The following VAX1 variants were observed in gnomAD, a reference collection of about 807,000 sequenced individuals.
The protein encoded by VAX1 is ventral anterior homeobox 1.
Under a neutral mutation model 17.6 loss-of-function variants are expected in VAX1, and 6 were observed. The ratio of observed to expected loss-of-function variants is 0.34; its 90% CI spans 0.19 to 0.67. The LOEUF (loss-of-function observed/expected upper bound fraction) is 0.67. Among genes scored for constraint, VAX1 ranks in the 30% least tolerant of loss-of-function variants. The pLI, the probability that VAX1 is intolerant of heterozygous loss-of-function variation, is 0.69. For missense variants in VAX1, 408 were observed against 463.7 expected (o/e 0.88, Z 1.10); for synonymous variants, 256 against 227.4 (o/e 1.13, Z -1.13).
rs774702033 is a variant in VAX1, at chr10:117,136,502, G to A, written c.399C>T (p.Leu133=). The change falls in exon 2 of 3, where the codon CTC becomes CTT. Residue 133 remains leucine (L), a synonymous_variant. Coordinates refer to ENST00000369206, the MANE Select transcript of VAX1 (RefSeq NM_001112704.2). The surrounding 1 kb of genome is among the most constrained non-coding windows in gnomAD (Gnocchi z 5.0). ...QYVVGRERTE[L]ARQLNLSETQ... is the part of the protein sequence containing the mutation. ...TCTCGGAGAGGTTAAGCTGCCGGGC[G>A]AGCTCGGTCCTCTCGCGGCCCACCA... is the stretch of plus-strand genomic sequence containing the variant. 2.5e-6 allele frequency: 4 copies of A among 1,613,696 alleles called. No individual in the cohort carries two copies. The highest frequency in any genetic ancestry group is 1.7e-5 in the Admixed American group (1 of 60,012).
Position 117,136,481 on chromosome 10 carries a change from G to C in VAX1, c.420C>G (p.Ser140=). The C allele has an allele frequency of 1.9e-6, 3 of 1,613,216 alleles. No individual in the cohort carries two copies. The highest frequency in any genetic ancestry group is 1.1e-5 in the South Asian group (1 of 91,060). The change falls in exon 2 of 3, where the codon TCC becomes TCG. Residue 140 remains serine (S), a synonymous_variant. Transcript: ENST00000369206. This position sits in a 1 kb window ranked among gnomAD's most constrained non-coding sequence, Gnocchi z 5.0. The stretch of plus-strand genomic sequence containing the variant: ...CCTGGTCGCCGGGTACCTGGGTCTC[G>C]GAGAGGTTAAGCTGCCGGGCGAGCT... ...RTELARQLNL[S]ETQVKVWFQN... is the part of the protein sequence containing the mutation.
At chr10:117,131,953 G>A, downstream of VAX1, 1 of 440,090 alleles carries the variant, frequency 2.3e-6, no homozygotes, top group East Asian at 3.5e-5. Context: ...GAAGACTCTA[G>A]AAACCTAGCA....
At position 117,134,745 on chromosome 10, in the gene VAX1, G is replaced by A. The variant is rs1468902763; in HGVS notation, c.430-162C>T. ...AGGGGTCCGGGCCGGGGCGCTGCTG[G>A]GGGAGCTGGCGCCGCCACGAGGGGG... On this transcript the variant is annotated intron_variant, in intron 2 of 2. Coordinates refer to ENST00000369206, the MANE Select transcript of VAX1 (RefSeq NM_001112704.2). The surrounding 1 kb of genome is among the most constrained non-coding windows in gnomAD (Gnocchi z 6.2). 6.6e-6 allele frequency among the ~76,000 whole-genome samples: 1 copy of A among 152,052 alleles called. No homozygotes were observed. Among genetic ancestry groups the A allele is most frequent in the Admixed American group, 6.5e-5 (1 of 15,274 alleles).
downstream of VAX1, chr10:117,130,103 G>C (rs951548311): frequency 1.3e-5 from 2 of 152,192 alleles, no homozygotes; most frequent in Admixed American, 6.5e-5. Flanking sequence ...GAAAGAAAGA[G>C]GCCTCTGGCC....
chr10:117,134,677 T>G lies in VAX1; in HGVS notation c.430-94A>C. On this transcript the variant is annotated intron_variant, in intron 2 of 2. Coordinates refer to ENST00000369206, the MANE Select transcript of VAX1 (RefSeq NM_001112704.2). The surrounding 1 kb of genome is among the most constrained non-coding windows in gnomAD (Gnocchi z 6.2). ...CCCGGGGCGCGCGGCTCCGGGGCTC[T>G]CCCCAAGTCCCAGCCCTATCCGCAG... 7.9e-7 allele frequency: 1 copy of G among 1,271,372 alleles called. No homozygotes were observed. The highest frequency in any genetic ancestry group is 1.0e-6 in the Non-Finnish European group (1 of 961,990). 78.8% of individuals were successfully genotyped at this position (1,271,372 alleles called of 1,614,324 possible).
In VAX1 at chr10:117,136,809, G is replaced by T; in HGVS notation, c.242-150C>A. 2.2e-6 allele frequency: 2 copies of T among 922,738 alleles called. No individual in the cohort carries two copies. The highest frequency in any genetic ancestry group is 3.2e-6 in the Non-Finnish European group (2 of 624,128). The allele number at this position is 922,738 out of a possible 1,614,324, so 57.2% of individuals were successfully genotyped here. A position where few individuals can be genotyped will look rare whatever the true frequency, so the allele number is the denominator to read the frequency against. ...AGCGCGACCACAACCAGGTAGCAAA[G>T]ACACTGTGTGGAGGGCAAGGGGCCT... On this transcript the variant is annotated intron_variant, in intron 1 of 2. Coordinates refer to ENST00000369206, the MANE Select transcript of VAX1 (RefSeq NM_001112704.2). This position sits in a 1 kb window ranked among gnomAD's most constrained non-coding sequence, Gnocchi z 5.0.
rs1259528166 is a variant in VAX1, at chr10:117,136,644, A to G, written c.257T>C (p.Ile86Thr). 2.5e-6 allele frequency: 4 copies of G among 1,605,498 alleles called. No individual in the cohort carries two copies. Among genetic ancestry groups the G allele is most frequent in the Non-Finnish European group, 3.4e-6 (4 of 1,173,398 alleles). The change falls in exon 2 of 3, where the codon ATC becomes ACC. Residue 86 changes from isoleucine to threonine, a missense_variant. By Grantham distance (89) the Ile-to-Thr change is moderately conservative. Coordinates refer to ENST00000369206, the MANE Select transcript of VAX1 (RefSeq NM_001112704.2). The surrounding 1 kb of genome is among the most constrained non-coding windows in gnomAD (Gnocchi z 5.0). ...GCCCTTGGGCAGGATGATCTCTCGG[A>G]TGGACCCCTTGGCATCTGGGGAAGG... ...RILVRDAKGS[I>T]REIILPKGLD...
chr10:117,131,912 C>CTTT, downstream of VAX1: 1 of 379,736 alleles, frequency 2.6e-6, no homozygotes, highest in Non-Finnish European at 4.6e-6. Context: ...TGCACAAAAT[C>CTTT]CAAAATGCTG....
rs971622518 is a variant in VAX1 at position 117,137,048 on chromosome 10, C to G, written c.242-389G>C. ...CGGGCCCCAGCTCTGGGCTTGCCGA[C>G]CAGACCGTGATCCAGACGTCCCCAC... On this transcript the variant is annotated intron_variant, in intron 1 of 2. Transcript: ENST00000369206. The surrounding 1 kb of genome is among the most constrained non-coding windows in gnomAD (Gnocchi z 7.4). 3.9e-5 allele frequency among the ~76,000 whole-genome samples: 6 copies of G among 152,144 alleles called. No individual in the cohort carries two copies. The highest frequency in any genetic ancestry group is 1.4e-4 in the African/African-American group (6 of 41,446).
downstream of VAX1, chr10:117,132,369 A>G (rs1589945267): frequency 2.5e-6 from 4 of 1,610,816 alleles, no homozygotes; most frequent in Non-Finnish European, 3.4e-6. The surrounding 1 kb of genome is among the most constrained non-coding windows in gnomAD (Gnocchi z 4.9). Flanking sequence ...CTCTCACCAC[A>G]TAAATACAAA....
chr10:117,133,806 A>C lies in VAX1; in HGVS notation c.*202T>G. On this transcript the variant is annotated 3_prime_UTR_variant, in exon 3 of 3. Coordinates refer to ENST00000369206, the MANE Select transcript of VAX1 (RefSeq NM_001112704.2). ...GAAGGAAGTTGGGGGTTGGGGAGGA[A>C]TCTCAGAGGAAAGGTAGTAGAAAAA... is the stretch of plus-strand genomic sequence containing the variant. 4 of 1,312,766 alleles carry C rather than the reference A, an allele frequency of 3.0e-6. No individual in the cohort carries two copies. Among genetic ancestry groups the C allele is most frequent in the East Asian group, 3.3e-5 (1 of 29,862 alleles). The allele number at this position is 1,312,766 out of a possible 1,614,324, so 81.3% of individuals were successfully genotyped here.
chr10:117,137,848 T>C lies in VAX1; in HGVS notation c.209A>G (p.Asp70Gly). 1 of 1,612,878 alleles carries C rather than the reference T, an allele frequency of 6.2e-7. No individual in the cohort carries two copies. The highest frequency in any genetic ancestry group is 2.2e-5 in the East Asian group (1 of 44,800). Residue 70 changes from aspartate to glycine, a missense_variant, in exon 1 of 3, where the codon GAC becomes GGC. Transcript: ENST00000369206. This position sits in a 1 kb window ranked among gnomAD's most constrained non-coding sequence, Gnocchi z 7.4. Reference sequence around the variant, plus strand: ...CAGGATCCGGCGGCAGTAATCCGGGTCCGCTGCGGAATTGGATTTACTTTT... The same window carrying C: ...CAGGATCCGGCGGCAGTAATCCGGGCCCGCTGCGGAATTGGATTTACTTTT... ...CNKSKSNSAA[D>G]PDYCRRILVR...
Position 117,136,871 on chromosome 10 carries a change from T to C in VAX1, c.242-212A>G, listed in dbSNP as rs1854188335. 6.6e-6 allele frequency among the ~76,000 whole-genome samples: 1 copy of C among 152,204 alleles called. No individual in the cohort carries two copies. The highest frequency in any genetic ancestry group is 6.5e-5 in the Admixed American group (1 of 15,286). On this transcript the variant is annotated intron_variant, in intron 1 of 2. Transcript: ENST00000369206. The surrounding 1 kb of genome is among the most constrained non-coding windows in gnomAD (Gnocchi z 5.0). The stretch of plus-strand genomic sequence containing the variant: ...GCTGACCGAAGGAGGGACCACACTT[T>C]GTCTTTTTGTAGAGTCCTCCAGACA...
In VAX1 at chr10:117,137,134, C is replaced by A. The variant is rs1179248908; in HGVS notation, c.242-475G>T. ...GCGGCGGAAGGAGGAGGGACTGAGT[C>A]GGGGCCGGCCGGGCCCGGAGATCTG... is the stretch of plus-strand genomic sequence containing the variant. On this transcript the variant is annotated intron_variant, in intron 1 of 2. Transcript: ENST00000369206. The surrounding 1 kb of genome is among the most constrained non-coding windows in gnomAD (Gnocchi z 7.4). Among the ~76,000 whole-genome samples, 2 of 151,650 alleles carry A rather than the reference C, an allele frequency of 1.3e-5. No individual in the cohort carries two copies. Among genetic ancestry groups the A allele is most frequent in the African/African-American group, 4.8e-5 (2 of 41,338 alleles).
chr10:117,132,982 G>A (rs1854111356), downstream of VAX1, among the ~76,000 whole-genome samples: 1 of 152,192 alleles, frequency 6.6e-6, no homozygotes, highest in Non-Finnish European at 1.5e-5. The surrounding 1 kb of genome is among the most constrained non-coding windows in gnomAD (Gnocchi z 4.9). Context: ...CCGAAGCTAC[G>A]CGCCTGGGAG....
At chr10:117,135,190 C>T (rs563008496) in intron 2 of VAX1, among the ~76,000 whole-genome samples, 2 of 152,292 alleles carry the variant, frequency 1.3e-5, no homozygotes, top group South Asian at 4.1e-4. Flanking sequence ...TAGCTAGCAG[C>T]AAGCAGGGAA....
At chr10:117,131,821 T>C (rs1854088253), downstream of VAX1, 1 of 190,316 alleles carries the variant, frequency 5.3e-6, no homozygotes, top group Admixed American at 5.9e-5. Context: ...TCCTGCTCCT[T>C]CAAAGTTTCT....
In VAX1 at chr10:117,137,579, C is replaced by G. The variant is rs1238989886; in HGVS notation, c.241+237G>C. Among the ~76,000 whole-genome samples the G allele has an allele frequency of 6.6e-6, 1 of 152,184 alleles. No individual in the cohort carries two copies. Among genetic ancestry groups the G allele is most frequent in the Non-Finnish European group, 1.5e-5 (1 of 68,024 alleles). ...GCCGCACCCGCGCAGCCCCTCATCT[C>G]CCCCCGCAGCCCGGTCAGCGGGGCC... On this transcript the variant is annotated intron_variant, in intron 1 of 2. Coordinates refer to ENST00000369206, the MANE Select transcript of VAX1 (RefSeq NM_001112704.2). This position sits in a 1 kb window ranked among gnomAD's most constrained non-coding sequence, Gnocchi z 7.4.
In VAX1 at chr10:117,137,315, G is replaced by A. The variant is rs1192230158; in HGVS notation, c.241+501C>T. Among the ~76,000 whole-genome samples, 2 of 152,044 alleles carry A rather than the reference G, an allele frequency of 1.3e-5. No individual in the cohort carries two copies. Among genetic ancestry groups the A allele is most frequent in the African/African-American group, 2.4e-5 (1 of 41,400 alleles). On this transcript the variant is annotated intron_variant, in intron 1 of 2. Coordinates refer to ENST00000369206, the MANE Select transcript of VAX1 (RefSeq NM_001112704.2). This position sits in a 1 kb window ranked among gnomAD's most constrained non-coding sequence, Gnocchi z 7.4. ...CCCAGCTGCCTCTCCCGGCGGCAGC[G>A]GTCGGGCACCGATCGCGGCCGTGGG...
Sources: gnomAD v4.1 joint callset for allele counts (sites outside exome capture counted in the v4.1 genomes callset) on GRCh38, gnomAD v4.1.1 for gene constraint, Gnocchi (gnomAD v3.1) non-coding constraint, MANE v1.5 for transcripts, NCBI Gene and HGNC (gene_info 2026-07-23, HGNC 2026-07-21) for gene names.